PDZRN4: variants seen among roughly 807,000 people sequenced by gnomAD.
PDZRN4 encodes PDZ domain containing ring finger 4.
A neutral mutation model predicts 99.0 loss-of-function variants in PDZRN4; 70 were observed. The ratio of observed to expected loss-of-function variants is 0.71; its 90% CI spans 0.58 to 0.86. The LOEUF is 0.86. Among genes scored for constraint, PDZRN4 ranks in the 40% least tolerant of loss-of-function variants. The probability of loss-of-function intolerance (pLI) is 0.00; values close to 1 mark genes in which losing one functional copy is unlikely to be tolerated. For synonymous variants in PDZRN4, 551 were observed against 501.6 expected, an observed-to-expected ratio of 1.10 and a Z score of -1.32; for missense variants, 1,474 against 1,331.2, an observed-to-expected ratio of 1.11 and a Z score of -1.67.
At chr12:41,244,846 G>A (rs546497133) in intron 3 of PDZRN4, among the ~76,000 whole-genome samples, 6 of 125,390 alleles carry the variant, frequency 4.8e-5, no homozygotes, top group East Asian at 2.6e-4. Context: ...CACCGCGCCC[G>A]GCTAATTTTT....
rs1421446051 is a variant in PDZRN4 at position 41,545,878 on chromosome 12, G to A, written c.1204-6778G>A. On this transcript the variant is annotated intron_variant, in intron 5 of 9. Coordinates refer to ENST00000402685, the MANE Select transcript of PDZRN4 (RefSeq NM_001164595.2). Reference sequence around the variant, plus strand: ...GAGAGAAGGGCATGGTAGCAGAACTGCAGACAGAAGAGGTACGAGATACCA... The same window carrying A: ...GAGAGAAGGGCATGGTAGCAGAACTACAGACAGAAGAGGTACGAGATACCA... Among the ~76,000 whole-genome samples, 6 of 152,084 alleles carry A rather than the reference G, an allele frequency of 3.9e-5. No individual in the cohort carries two copies. The South Asian group carries it at 6.2e-4, about 16-fold the overall frequency.
intron 3 of PDZRN4, among the ~76,000 whole-genome samples, chr12:41,266,516 G>A (rs1232112312): frequency 6.6e-6 from 1 of 152,164 alleles, no homozygotes; most frequent in Non-Finnish European, 1.5e-5. Context: ...GAAGCAGGAA[G>A]CTAGATCCCA....
intron 3 of PDZRN4, among the ~76,000 whole-genome samples, chr12:41,443,674 T>C (rs1360712816): frequency 6.6e-6 from 1 of 152,014 alleles, no homozygotes; most frequent in African/African-American, 2.4e-5. Flanking sequence ...GTCAAAAGAA[T>C]GTAAAAGGAG....
intron 3 of PDZRN4, among the ~76,000 whole-genome samples, chr12:41,494,932 T>C (rs1481597771): frequency 6.6e-6 from 1 of 152,200 alleles, no homozygotes; most frequent in Non-Finnish European, 1.5e-5. Flanking sequence ...ATACCATTCA[T>C]TGTGTAGGCA....
At chr12:41,483,430 G>A (rs1482496698) in intron 3 of PDZRN4, among the ~76,000 whole-genome samples, 3 of 152,090 alleles carry the variant, frequency 2.0e-5, no homozygotes, top group African/African-American at 7.2e-5. Flanking sequence ...TTTTTGCAGG[G>A]TGGGAGAGGA....
chr12:41,492,490 G>T (rs1256320255), intron 3 of PDZRN4, among the ~76,000 whole-genome samples: 2 of 152,154 alleles, frequency 1.3e-5, no homozygotes, highest in Admixed American at 6.6e-5. Flanking sequence ...TCATGTTGCT[G>T]CAAGGAAGAG....
At chr12:41,273,195 T>C (rs1394116149) in intron 3 of PDZRN4, among the ~76,000 whole-genome samples, 1 of 152,026 alleles carries the variant, frequency 6.6e-6, no homozygotes, top group African/African-American at 2.4e-5. Flanking sequence ...GCACTATGGA[T>C]AGAAATATCA....
chr12:41,572,877 T>C lies in PDZRN4; in HGVS notation c.2098T>C (p.Trp700Arg), dbSNP rs1324918452. Residue 700 changes from tryptophan (W) to arginine (R), a missense_variant, in exon 10 of 10, where the codon TGG becomes CGG. By Grantham distance (101) the Trp-to-Arg change is moderately radical. Coordinates refer to ENST00000402685, the MANE Select transcript of PDZRN4 (RefSeq NM_001164595.2). ...QKVTDQYGDI[W>R]TLHDGGFRNY... ...AGTGACAGACCAGTATGGAGACATC[T>C]GGACATTGCATGATGGAGGATTCCG... The C allele has an allele frequency of 1.2e-6, 2 of 1,614,134 alleles. No individual in the cohort carries two copies. Among genetic ancestry groups the C allele is most frequent in the African/African-American group, 1.3e-5 (1 of 75,040 alleles).
intron 5 of PDZRN4, among the ~76,000 whole-genome samples, chr12:41,523,057 A>G (rs1191583932): frequency 6.6e-6 from 1 of 152,046 alleles, no homozygotes; most frequent in Non-Finnish European, 1.5e-5. Context: ...CCTGAAGTGC[A>G]CTCAAATCAG....
intron 3 of PDZRN4, among the ~76,000 whole-genome samples, chr12:41,221,012 A>G (rs1362879573): frequency 6.6e-6 from 1 of 152,172 alleles, no homozygotes; most frequent in Non-Finnish European, 1.5e-5. Flanking sequence ...ACTGAGTTCT[A>G]GGCAAAGGAA....
intron 3 of PDZRN4, among the ~76,000 whole-genome samples, chr12:41,484,245 G>A (rs1194486394): frequency 6.6e-6 from 1 of 152,154 alleles, no homozygotes; most frequent in Non-Finnish European, 1.5e-5. Flanking sequence ...ATAATCATAA[G>A]AGATCAAAGT....
intron 3 of PDZRN4, among the ~76,000 whole-genome samples, chr12:41,412,808 G>A (rs572300959): frequency 3.3e-5 from 5 of 152,070 alleles, no homozygotes; most frequent in Non-Finnish European, 7.4e-5. Context: ...GCCATAACTA[G>A]GCCAGGCATG....
At chr12:41,191,771 TATTTATTTATTTA>T (rs199841171) in intron 2 of PDZRN4, among the ~76,000 whole-genome samples, 97,020 of 150,124 alleles carry the variant, frequency 0.65, 31,321 homozygotes, top group South Asian at 0.7. Context: ...TTTATTTATT[TATTTATTTATTTA>T]TTTTGTTTGT....
chr12:41,400,311 T>A (rs1952280817), intron 3 of PDZRN4, among the ~76,000 whole-genome samples: 1 of 152,086 alleles, frequency 6.6e-6, no homozygotes, highest in Non-Finnish European at 1.5e-5. Flanking sequence ...ATCAGCAAAA[T>A]TTTAGTGGGT....
intron 3 of PDZRN4, among the ~76,000 whole-genome samples, chr12:41,386,064 C>T (rs1168719252): frequency 6.6e-6 from 1 of 152,158 alleles, no homozygotes; most frequent in Non-Finnish European, 1.5e-5. Flanking sequence ...AAGACAAAAA[C>T]TGCATGATTG....
intron 3 of PDZRN4, among the ~76,000 whole-genome samples, chr12:41,340,187 A>C (rs1274521610): frequency 2.0e-5 from 3 of 152,090 alleles, no homozygotes; most frequent in Non-Finnish European, 4.4e-5. Context: ...AGTGTCCATC[A>C]ACAGATGAAT....
At chr12:41,563,448 A>G (rs941996243) in intron 7 of PDZRN4, 100 bp from the exon 8 acceptor site, 1 of 849,724 alleles carries the variant, frequency 1.2e-6, no homozygotes, top group Non-Finnish European at 1.9e-6. Context: ...TGTGAGCTTC[A>G]TTGTCCATAC....
At chr12:41,482,655 A>C (rs571177320) in intron 3 of PDZRN4, among the ~76,000 whole-genome samples, 1 of 152,298 alleles carries the variant, frequency 6.6e-6, no homozygotes, top group East Asian at 1.9e-4. Context: ...TTAAGTAAAT[A>C]AGAGAGCTGA....
chr12:41,336,175 T>A (rs962159355), intron 3 of PDZRN4, among the ~76,000 whole-genome samples: 1 of 152,120 alleles, frequency 6.6e-6, no homozygotes, highest in Admixed American at 6.6e-5. Flanking sequence ...AAATCTTCAA[T>A]GTATCCTCTA....
Sources: gnomAD v4.1 joint callset for allele counts (sites outside exome capture counted in the v4.1 genomes callset) on GRCh38, gnomAD v4.1.1 for gene constraint, MANE v1.5 for transcripts, NCBI Gene and HGNC (gene_info 2026-07-23, HGNC 2026-07-21) for gene names.